The following SAMD5 variants were observed in gnomAD, a reference collection of about 807,000 sequenced individuals.
SAMD5 encodes sterile alpha motif domain containing 5.
A neutral mutation model predicts 11.3 loss-of-function variants in SAMD5; 13 were observed. That is an observed-to-expected ratio of 1.15 (90% CI 0.75 to 1.83). The LOEUF (loss-of-function observed/expected upper bound fraction) is 1.83, where lower values mean the gene tolerates loss of function less well. Ranked by LOEUF, SAMD5 falls within the 40% of genes most tolerant of loss-of-function variation. The pLI is 0.00. For missense variants in SAMD5, 255 were observed against 239.1 expected (o/e 1.07, Z -0.44); for synonymous variants, 129 against 111.3 (o/e 1.16, Z -1.00).
At chr6:147,630,027 A>G (rs6935735) in intron 1 of SAMD5, among the ~76,000 whole-genome samples, 70,959 of 146,844 alleles carry the variant, frequency 0.48, 17,305 homozygotes, top group Middle Eastern at 0.58. Context: ...TCCGCTCACC[A>G]CAACCTCCAC....
chr6:147,568,933 T>C lies in SAMD5; in HGVS notation c.*4477T>C, dbSNP rs1789087994. ...AAGGGAAAAAAAAATGGTAGGTAGTTCAGAAAAAAATGGCTGGGCACGGTG... is the reference window on the plus strand; with the variant it reads ...AAGGGAAAAAAAAATGGTAGGTAGTCCAGAAAAAAATGGCTGGGCACGGTG... On this transcript the variant is annotated 3_prime_UTR_variant, in exon 2 of 2. Coordinates refer to ENST00000367474, the MANE Select transcript of SAMD5 (RefSeq NM_001030060.3). 1.0e-6 allele frequency: 1 copy of C among 979,734 alleles called. No individual in the cohort carries two copies. Among genetic ancestry groups the C allele is most frequent in the Non-Finnish European group, 1.2e-6 (1 of 825,186 alleles). The allele number at this position is 979,734 out of a possible 1,614,324, so 60.7% of individuals were successfully genotyped here.
At chr6:147,725,028 CT>C (rs1791606218) in intron 1 of SAMD5, among the ~76,000 whole-genome samples, 1 of 152,138 alleles carries the variant, frequency 6.6e-6, no homozygotes, top group East Asian at 1.9e-4. Context: ...TAGGCATAAA[CT>C]TGATCCCTAT....
At chr6:147,760,753 T>C in the SAMD5 span, among the ~76,000 whole-genome samples, 1 of 152,352 alleles carries the variant, frequency 6.6e-6, no homozygotes, top group South Asian at 2.1e-4. Context: ...GGTTTGGCTT[T>C]GCCTAAACTT....
At chr6:147,724,178 A>G (rs911892291) in intron 1 of SAMD5, among the ~76,000 whole-genome samples, 3 of 152,186 alleles carry the variant, frequency 2.0e-5, no homozygotes, top group Admixed American at 6.5e-5. Flanking sequence ...CCCAGGCTGG[A>G]GTGCAGTGGC....
At chr6:147,949,313 C>T in the SAMD5 span, among the ~76,000 whole-genome samples, 1 of 152,174 alleles carries the variant, frequency 6.6e-6, no homozygotes, top group African/African-American at 2.4e-5. Context: ...ATATTTAACT[C>T]TATCCCCTTA....
At chr6:147,870,333 C>T in the SAMD5 span, among the ~76,000 whole-genome samples, 1 of 151,964 alleles carries the variant, frequency 6.6e-6, no homozygotes, top group African/African-American at 2.4e-5. Context: ...TCTCAGAGGC[C>T]TTCCCTTATT....
At chr6:147,689,188 C>A (rs1791064330) in intron 1 of SAMD5, among the ~76,000 whole-genome samples, 1 of 152,112 alleles carries the variant, frequency 6.6e-6, no homozygotes, top group South Asian at 2.1e-4. Flanking sequence ...CATTCATGGG[C>A]CAGTAAGACC....
the SAMD5 span, among the ~76,000 whole-genome samples, chr6:147,883,486 C>G: frequency 6.6e-6 from 1 of 152,316 alleles, no homozygotes; most frequent in Middle Eastern, 3.4e-3. Flanking sequence ...TCTCCCCTTT[C>G]CCTCACAGCT....
chr6:147,828,509 G>A, the SAMD5 span, among the ~76,000 whole-genome samples: 5 of 152,234 alleles, frequency 3.3e-5, no homozygotes, highest in Non-Finnish European at 4.4e-5. Flanking sequence ...AGCTGCCAGC[G>A]CAACCAGAAT....
At chr6:147,722,754 CTG>C (rs1305034802) in intron 1 of SAMD5, among the ~76,000 whole-genome samples, 1 of 152,084 alleles carries the variant, frequency 6.6e-6, no homozygotes, top group African/African-American at 2.4e-5. Context: ...ATGTCAGACA[CTG>C]TGTATAAAAT....
chr6:147,714,100 A>G (rs1448551024), intron 1 of SAMD5, among the ~76,000 whole-genome samples: 1 of 152,198 alleles, frequency 6.6e-6, no homozygotes, highest in East Asian at 1.9e-4. Context: ...ACCTTCGCCC[A>G]CTGAGATTGT....
rs191173162 is a variant in SAMD5, at chr6:147,726,544, G to A, written c.163-10773G>A. Among the ~76,000 whole-genome samples, 572 of 152,294 alleles carry A rather than the reference G, an allele frequency of 3.8e-3. 4 individuals carry two copies. Among genetic ancestry groups the A allele is most frequent in the African/African-American group, 0.013 (545 of 41,572 alleles). ...GGCCCAGGCCCAGGCCCAGGTCCAG[G>A]CCCAGGCCCCGGCCCTCACATTTTG... On this transcript the variant is annotated intron_variant, in intron 1 of 1. Transcript: ENST00000566741.
the SAMD5 span, among the ~76,000 whole-genome samples, chr6:147,784,682 C>G: frequency 6.6e-6 from 1 of 152,202 alleles, no homozygotes; most frequent in Non-Finnish European, 1.5e-5. Context: ...TAACTAGCCA[C>G]AAGCCAAGTC....
intron 1 of SAMD5, among the ~76,000 whole-genome samples, chr6:147,550,088 T>C (rs1177741232): frequency 6.6e-6 from 1 of 151,460 alleles, no homozygotes; most frequent in Non-Finnish European, 1.5e-5. Flanking sequence ...TCTAAAAAAA[T>C]AAAAACATTA....
the SAMD5 span, among the ~76,000 whole-genome samples, chr6:147,870,431 GGTGT>G: frequency 2.9e-5 from 4 of 138,304 alleles, no homozygotes; most frequent in African/African-American, 8.1e-5. Flanking sequence ...CATCCCCTTT[GGTGT>G]GTGTGTGTGT....
At chr6:147,616,711 G>A (rs844616) in intron 1 of SAMD5, among the ~76,000 whole-genome samples, 6,117 of 152,242 alleles carry the variant, frequency 0.04, 147 homozygotes, top group East Asian at 0.07. Flanking sequence ...ACTCAGTTAC[G>A]CATGGCTGTG....
In SAMD5 at chr6:147,711,999, AT is replaced by A. The variant is rs1012943404; in HGVS notation, c.163-25316del. On this transcript the variant is annotated intron_variant, in intron 1 of 1. Coordinates refer to the SAMD5 transcript ENST00000566741. The surrounding 1 kb of genome is among the most constrained non-coding windows in gnomAD (Gnocchi z 4.1). ...ATTTTCTTACAGAAATCCAAGAGAC[AT>A]TACAGGGGAGATAAAGAAATTTTTG... Among the ~76,000 whole-genome samples, 6 of 152,224 alleles carry A rather than the reference AT, an allele frequency of 3.9e-5. No homozygotes were observed. The highest frequency in any genetic ancestry group is 5.9e-5 in the Non-Finnish European group (4 of 68,034).
At chr6:147,808,774 C>A in the SAMD5 span, among the ~76,000 whole-genome samples, 1 of 152,028 alleles carries the variant, frequency 6.6e-6, no homozygotes, top group Non-Finnish European at 1.5e-5. Context: ...GTATATGAAA[C>A]CCATTCATCT....
intron 1 of SAMD5, among the ~76,000 whole-genome samples, chr6:147,667,756 C>T (rs1171031844): frequency 1.3e-5 from 2 of 152,132 alleles, no homozygotes; most frequent in African/African-American, 2.4e-5. Flanking sequence ...TTATTTTCTT[C>T]TTCTGTCTCC....
Sources: allele counts gnomAD v4.1 joint callset (sites outside exome capture counted in the v4.1 genomes callset), GRCh38; gene constraint gnomAD v4.1.1; non-coding constraint Gnocchi (gnomAD v3.1); transcripts MANE v1.5; gene names NCBI Gene and HGNC (gene_info 2026-07-23, HGNC 2026-07-21).